Variants in GALNT17 observed in about 807,000 individuals in gnomAD.
GALNT17 encodes UDP-GalNAc:polypeptide N-acetylgalactosaminyltransferase-like 3.
In GALNT17, 29 loss-of-function variants were observed where a neutral mutation model predicts 63.7. That is an observed-to-expected ratio of 0.46 (90% CI 0.34 to 0.62). The LOEUF (loss-of-function observed/expected upper bound fraction) is 0.62. Among genes scored for constraint, GALNT17 ranks in the 20% least tolerant of loss-of-function variants. The probability of loss-of-function intolerance (pLI) is 0.01; values close to 1 mark genes in which losing one functional copy is unlikely to be tolerated. For synonymous variants in GALNT17, 305 were observed against 318.3 expected (o/e 0.96, Z 0.45); for missense variants, 603 against 799.6 (o/e 0.75, Z 2.97).
At chr7:71,316,857 G>A (rs1485664465) in intron 1 of GALNT17, among the ~76,000 whole-genome samples, 1 of 152,164 alleles carries the variant, frequency 6.6e-6, no homozygotes, top group Non-Finnish European at 1.5e-5. Context: ...ATGTTCTGTA[G>A]GTCATGAAAC....
intron 6 of GALNT17, among the ~76,000 whole-genome samples, chr7:71,650,287 T>C (rs1251092767): frequency 6.6e-6 from 1 of 152,212 alleles, no homozygotes; most frequent in Non-Finnish European, 1.5e-5. Flanking sequence ...ACTCACTCTG[T>C]CGCCGAGGCT....
At chr7:71,170,871 AT>A (rs948984991) in intron 1 of GALNT17, among the ~76,000 whole-genome samples, 1 of 152,090 alleles carries the variant, frequency 6.6e-6, no homozygotes, top group Non-Finnish European at 1.5e-5. Flanking sequence ...AACAAATGCC[AT>A]TTTACTTTAT....
At chr7:71,609,149 C>G (rs1346196194) in intron 6 of GALNT17, among the ~76,000 whole-genome samples, 1 of 152,172 alleles carries the variant, frequency 6.6e-6, no homozygotes, top group Non-Finnish European at 1.5e-5. Flanking sequence ...CACTCAGGAT[C>G]CACATCACAG....
chr7:71,411,951 A>T (rs1174876453), intron 3 of GALNT17, among the ~76,000 whole-genome samples: 4 of 152,204 alleles, frequency 2.6e-5, no homozygotes, highest in Non-Finnish European at 1.5e-5. Context: ...ACTTCACAGG[A>T]TAATGCTTCG....
intron 1 of GALNT17, among the ~76,000 whole-genome samples, chr7:71,258,197 C>T (rs1790322405): frequency 6.6e-6 from 1 of 152,150 alleles, no homozygotes; most frequent in African/African-American, 2.4e-5. Flanking sequence ...TAGGGCCAGG[C>T]CTCCCAGGGC....
At chr7:71,612,475 G>T (rs534183679) in intron 6 of GALNT17, among the ~76,000 whole-genome samples, 4 of 152,212 alleles carry the variant, frequency 2.6e-5, no homozygotes, top group African/African-American at 7.2e-5. Flanking sequence ...AAAGGAATGC[G>T]TAAAGAAGAG....
chr7:71,536,771 C>T (rs1044245502), intron 5 of GALNT17, among the ~76,000 whole-genome samples: 6 of 152,116 alleles, frequency 3.9e-5, no homozygotes, highest in Non-Finnish European at 5.9e-5. Context: ...AGAATGGGAA[C>T]GACAGCAATA....
At chr7:71,226,851 C>A (rs1400783277) in intron 1 of GALNT17, among the ~76,000 whole-genome samples, 1 of 152,012 alleles carries the variant, frequency 6.6e-6, no homozygotes, top group Non-Finnish European at 1.5e-5. Context: ...CAAAAGGCTC[C>A]GTGGTCCTTT....
At chr7:71,441,415 C>T (rs1787064814) in intron 5 of GALNT17, among the ~76,000 whole-genome samples, 1 of 152,156 alleles carries the variant, frequency 6.6e-6, no homozygotes, top group Non-Finnish European at 1.5e-5. Context: ...ACCACCCGGA[C>T]ACCATTTCCA....
Position 71,209,274 on chromosome 7 carries a change from C to T in GALNT17, c.238+76234C>T, listed in dbSNP as rs185461048. On this transcript the variant is annotated intron_variant, in intron 1 of 10. Coordinates refer to ENST00000333538, the MANE Select transcript of GALNT17 (RefSeq NM_022479.3). ...TGGACCACGGTTTAGCAGTCTCTTC[C>T]TCAGGTCACAGTTTAGGGTTGTAGA... Among the ~76,000 whole-genome samples the T allele has an allele frequency of 2.6e-5, 4 of 152,318 alleles. No homozygotes were observed. The East Asian group carries it at 7.7e-4, about 29-fold the overall frequency.
intron 6 of GALNT17, among the ~76,000 whole-genome samples, chr7:71,617,274 T>TTAA (rs1241363706): frequency 3.4e-5 from 5 of 149,134 alleles, no homozygotes; most frequent in African/African-American, 1.2e-4. Flanking sequence ...GCATAGTACT[T>TTAA]GATAGATAGT....
intron 1 of GALNT17, among the ~76,000 whole-genome samples, chr7:71,134,965 C>T (rs1164294850): frequency 4.1e-5 from 6 of 146,072 alleles, no homozygotes; most frequent in Admixed American, 2.1e-4. Context: ...CATTCTCTGG[C>T]CTTAGCCTCC....
chr7:71,466,057 A>G (rs1177995730), intron 5 of GALNT17, among the ~76,000 whole-genome samples: 1 of 152,200 alleles, frequency 6.6e-6, no homozygotes, highest in Non-Finnish European at 1.5e-5. Flanking sequence ...GAGATTCTTT[A>G]CAGATGCAAA....
intron 6 of GALNT17, among the ~76,000 whole-genome samples, chr7:71,572,227 A>T (rs1464833591): frequency 4.0e-5 from 6 of 151,252 alleles, no homozygotes; most frequent in African/African-American, 1.5e-4. Context: ...AAATAAAAAA[A>T]AAAAAAGCTC....
intron 3 of GALNT17, among the ~76,000 whole-genome samples, chr7:71,393,649 A>C (rs1484633472): frequency 6.6e-6 from 1 of 152,116 alleles, no homozygotes; most frequent in Non-Finnish European, 1.5e-5. Context: ...AGATGGGCTC[A>C]GGGAATGGGT....
chr7:71,376,425 G>GTTT (rs57171551), intron 2 of GALNT17, among the ~76,000 whole-genome samples: 10 of 63,360 alleles, frequency 1.6e-4, no homozygotes, highest in East Asian at 1.4e-3. Flanking sequence ...GTTTGGAGTT[G>GTTT]TTTTTTTTTT....
chr7:71,511,201 A>T (rs1256666791), intron 5 of GALNT17, among the ~76,000 whole-genome samples: 1 of 151,966 alleles, frequency 6.6e-6, no homozygotes, highest in Non-Finnish European at 1.5e-5. Flanking sequence ...AGAGAGATGG[A>T]CCCAGCTTAG....
At chr7:71,695,506 A>G (rs896134169) in intron 9 of GALNT17, among the ~76,000 whole-genome samples, 1 of 152,162 alleles carries the variant, frequency 6.6e-6, no homozygotes, top group Non-Finnish European at 1.5e-5. Context: ...GCTCCCATAT[A>G]TATTTTTAAA....
chr7:71,616,292 C>A (rs533037791), intron 6 of GALNT17, among the ~76,000 whole-genome samples: 2 of 151,978 alleles, frequency 1.3e-5, no homozygotes, highest in African/African-American at 2.4e-5. Flanking sequence ...TCTTTCCCCC[C>A]CGTCCTCTCA....
Sources: gnomAD v4.1 joint callset for allele counts (sites outside exome capture counted in the v4.1 genomes callset) on GRCh38, gnomAD v4.1.1 for gene constraint, MANE v1.5 for transcripts, NCBI Gene and HGNC (gene_info 2026-07-23, HGNC 2026-07-21) for gene names.